The following C1QTNF3 variants were observed in gnomAD, a reference collection of about 807,000 sequenced individuals.
C1QTNF3 encodes complement C1q tumor necrosis factor-related protein 3.
A neutral mutation model predicts 32.6 loss-of-function variants in C1QTNF3; 26 were observed. The ratio of observed to expected loss-of-function variants is 0.80; its 90% CI spans 0.58 to 1.11. C1QTNF3 has a LOEUF of 1.11. Among genes scored for constraint, C1QTNF3 ranks in the 50% least tolerant of loss-of-function variants. C1QTNF3 has a pLI of 0.00. For synonymous variants in C1QTNF3, 155 were observed against 146.0 expected (o/e 1.06, Z -0.44); for missense variants, 362 against 398.2 (o/e 0.91, Z 0.77).
the C1QTNF3 span, among the ~76,000 whole-genome samples, chr5:34,196,911 C>T: frequency 2.6e-5 from 4 of 152,412 alleles, no homozygotes; most frequent in African/African-American, 7.2e-5. Flanking sequence ...CTGCCCGCCT[C>T]GGCCTCCCAA....
intron 2 of C1QTNF3, among the ~76,000 whole-genome samples, chr5:34,034,772 C>T (rs776027048): frequency 1.2e-4 from 18 of 152,218 alleles, no homozygotes; most frequent in Non-Finnish European, 1.9e-4. Flanking sequence ...CATCATTGCT[C>T]CTGCTGGCTG....
chr5:34,144,801 T>C, the C1QTNF3 span, among the ~76,000 whole-genome samples: 1 of 152,312 alleles, frequency 6.6e-6, no homozygotes. Context: ...GAAAAGCTTA[T>C]AGGCCTAAAC....
chr5:34,116,285 C>T, the C1QTNF3 span, among the ~76,000 whole-genome samples: 2 of 151,964 alleles, frequency 1.3e-5, no homozygotes, highest in Admixed American at 6.6e-5. Flanking sequence ...GTTCCACGTG[C>T]ACTTTAAAAA....
the C1QTNF3 span, among the ~76,000 whole-genome samples, chr5:34,094,012 A>G: frequency 6.6e-6 from 1 of 152,200 alleles, no homozygotes; most frequent in Non-Finnish European, 1.5e-5. Flanking sequence ...AGCTGAGCTA[A>G]GGAGCAATCC....
chr5:34,077,123 T>TA, the C1QTNF3 span, among the ~76,000 whole-genome samples: 1 of 151,798 alleles, frequency 6.6e-6, no homozygotes, highest in Non-Finnish European at 1.5e-5. Flanking sequence ...GGTTCCCTAT[T>TA]ACTATTGTAA....
chr5:34,174,106 G>C, the C1QTNF3 span, among the ~76,000 whole-genome samples: 1 of 152,204 alleles, frequency 6.6e-6, no homozygotes, highest in South Asian at 2.1e-4. Flanking sequence ...CACCCAGGCG[G>C]GAGTGCAGTG....
chr5:34,135,501 C>G, the C1QTNF3 span, among the ~76,000 whole-genome samples: 1 of 152,054 alleles, frequency 6.6e-6, no homozygotes, highest in South Asian at 2.1e-4. Context: ...ATGGTAACAG[C>G]TCCTCTTTGT....
chr5:34,214,743 G>A, the C1QTNF3 span, among the ~76,000 whole-genome samples: 1 of 152,058 alleles, frequency 6.6e-6, no homozygotes, highest in Non-Finnish European at 1.5e-5. Context: ...ATCCTCAGAT[G>A]CATCTCTAAC....
chr5:34,213,777 G>GTA, the C1QTNF3 span, among the ~76,000 whole-genome samples: 9 of 26,530 alleles, frequency 3.4e-4, no homozygotes, highest in Non-Finnish European at 6.4e-4. Flanking sequence ...ACACATACGT[G>GTA]TATATATACA....
At chr5:34,107,982 T>C in the C1QTNF3 span, among the ~76,000 whole-genome samples, 1 of 152,172 alleles carries the variant, frequency 6.6e-6, no homozygotes, top group East Asian at 1.9e-4. Context: ...CTGCTGTTCT[T>C]CTTTCCCTTA....
At chr5:34,067,262 C>T in the C1QTNF3 span, among the ~76,000 whole-genome samples, 1 of 152,196 alleles carries the variant, frequency 6.6e-6, no homozygotes, top group Non-Finnish European at 1.5e-5. Flanking sequence ...AACTGTTTCA[C>T]CCTCTATCTG....
the C1QTNF3 span, among the ~76,000 whole-genome samples, chr5:34,177,543 G>A: frequency 7.2e-6 from 1 of 139,460 alleles, no homozygotes; most frequent in South Asian, 2.3e-4. Flanking sequence ...CTGGAGTGCA[G>A]TGGCACAATC....
chr5:34,172,440 C>CGG, the C1QTNF3 span, among the ~76,000 whole-genome samples: 116 of 21,306 alleles, frequency 5.4e-3, 1 homozygote, highest in African/African-American at 0.011. Context: ...CGGGGTTGGG[C>CGG]GGGGGGGGCG....
chr5:34,073,326 C>CAA, the C1QTNF3 span, among the ~76,000 whole-genome samples: 5 of 78,476 alleles, frequency 6.4e-5, no homozygotes, highest in Admixed American at 1.5e-4. Context: ...GACTCCGTCT[C>CAA]AAAAAAAAAA....
At chr5:34,066,907 C>T in the C1QTNF3 span, among the ~76,000 whole-genome samples, 1 of 151,970 alleles carries the variant, frequency 6.6e-6, no homozygotes, top group Non-Finnish European at 1.5e-5. Flanking sequence ...CTTGTATGTC[C>T]TTCTTCCCTT....
the C1QTNF3 span, among the ~76,000 whole-genome samples, chr5:34,115,846 C>T: frequency 6.6e-6 from 1 of 151,574 alleles, no homozygotes; most frequent in Non-Finnish European, 1.5e-5. Flanking sequence ...TATTATATAT[C>T]TGCACATTTC....
chr5:34,106,929 G>C, the C1QTNF3 span, among the ~76,000 whole-genome samples: 2 of 95,594 alleles, frequency 2.1e-5, no homozygotes, highest in East Asian at 2.4e-4. Flanking sequence ...ATTATTCTTT[G>C]TGTTTATTGT....
At chr5:34,025,719 T>C (rs1156738219) in intron 4 of C1QTNF3, among the ~76,000 whole-genome samples, 1 of 152,200 alleles carries the variant, frequency 6.6e-6, no homozygotes, top group Non-Finnish European at 1.5e-5. Flanking sequence ...CCAAGAGAGC[T>C]CTAAAAAATT....
chr5:34,068,652 C>G, the C1QTNF3 span, among the ~76,000 whole-genome samples: 1 of 151,986 alleles, frequency 6.6e-6, no homozygotes, highest in African/African-American at 2.4e-5. Flanking sequence ...CATTATTTGT[C>G]ATACATAAGT....
Sources: gnomAD v4.1 joint callset for allele counts (sites outside exome capture counted in the v4.1 genomes callset) on GRCh38, gnomAD v4.1.1 for gene constraint, MANE v1.5 for transcripts, NCBI Gene and HGNC (gene_info 2026-07-23, HGNC 2026-07-21) for gene names.